Variants in SPOCK3 observed in about 807,000 individuals in gnomAD.
SPOCK3 encodes the protein testican-3.
Under a neutral mutation model 56.6 loss-of-function variants are expected in SPOCK3, and 30 were observed. The observed-to-expected ratio is 0.53, with a 90% CI of 0.40 to 0.72. The LOEUF is 0.72. SPOCK3 is among the 30% of genes least tolerant of loss of function. The pLI, the probability that SPOCK3 is intolerant of heterozygous loss-of-function variation, is 0.00. For synonymous variants in SPOCK3, 196 were observed against 183.3 expected, an observed-to-expected ratio of 1.07 and a Z score of -0.56; for missense variants, 527 against 530.0, an observed-to-expected ratio of 0.99 and a Z score of 0.06.
intron 2 of SPOCK3, among the ~76,000 whole-genome samples, chr4:167,226,974 A>C (rs995988478): frequency 6.6e-6 from 1 of 152,180 alleles, no homozygotes; most frequent in African/African-American, 2.4e-5. Flanking sequence ...GAAAGAAATA[A>C]ATCTGAACTG....
At chr4:166,828,056 A>G (rs767057049) in intron 6 of SPOCK3, among the ~76,000 whole-genome samples, 2 of 152,062 alleles carry the variant, frequency 1.3e-5, no homozygotes, top group Non-Finnish European at 1.5e-5. Context: ...ACAGCATTCA[A>G]TGGTTTAATC....
At chr4:167,156,348 G>A (rs1456099236) in intron 2 of SPOCK3, among the ~76,000 whole-genome samples, 1 of 152,144 alleles carries the variant, frequency 6.6e-6, no homozygotes, top group Admixed American at 6.6e-5. Flanking sequence ...ACGCAGGGAT[G>A]CAGTAACTTA....
At chr4:167,182,231 T>G (rs947781615) in intron 2 of SPOCK3, among the ~76,000 whole-genome samples, 1 of 152,138 alleles carries the variant, frequency 6.6e-6, no homozygotes, top group Non-Finnish European at 1.5e-5. Context: ...CTTAGTTTTC[T>G]AGCCCTCAAA....
At chr4:167,196,108 A>G (rs1197179776) in intron 2 of SPOCK3, among the ~76,000 whole-genome samples, 2 of 152,210 alleles carry the variant, frequency 1.3e-5, no homozygotes, top group Non-Finnish European at 2.9e-5. Context: ...TACTCTGTGT[A>G]TACTCAGAAT....
rs115525420 is a variant in SPOCK3, at chr4:166,860,041, A to G, written c.589+29089T>C. ...CTGGAATGTAAGAGAACGTAAGATA[A>G]TCTAATACAACTGCAAGTCACTCAA... On this transcript the variant is annotated intron_variant, in intron 6 of 10. Transcript: ENST00000357545. 3.7e-3 allele frequency among the ~76,000 whole-genome samples: 566 copies of G among 152,270 alleles called. 3 individuals carry two copies. Among genetic ancestry groups the G allele is most frequent in the African/African-American group, 0.013 (534 of 41,560 alleles).
intron 7 of SPOCK3, among the ~76,000 whole-genome samples, chr4:166,771,521 A>C (rs1579181248): frequency 6.6e-6 from 1 of 152,206 alleles, no homozygotes; most frequent in African/African-American, 2.4e-5. Flanking sequence ...AGGTAGTTTG[A>C]CATCCTCAGT....
At chr4:167,152,171 A>G (rs1004941342) in intron 2 of SPOCK3, among the ~76,000 whole-genome samples, 5 of 152,328 alleles carry the variant, frequency 3.3e-5, no homozygotes, top group Middle Eastern at 3.4e-3. Context: ...CGTGCGTCCT[A>G]AAGTGGCCAT....
intron 10 of SPOCK3, 98 bp from the exon 11 acceptor site, chr4:166,735,188 A>T: frequency 1.3e-6 from 1 of 748,800 alleles, no homozygotes; most frequent in South Asian, 2.0e-5. Flanking sequence ...ATTTTTTAGA[A>T]AGTAATTTGT....
chr4:166,896,092 G>C (rs1735352844), intron 5 of SPOCK3, among the ~76,000 whole-genome samples: 1 of 152,130 alleles, frequency 6.6e-6, no homozygotes, highest in African/African-American at 2.4e-5. Flanking sequence ...ACATTATTAA[G>C]AGTAAGTTTC....
At chr4:167,070,111 C>T (rs1282266487) in intron 2 of SPOCK3, among the ~76,000 whole-genome samples, 2 of 151,938 alleles carry the variant, frequency 1.3e-5, no homozygotes, top group African/African-American at 4.8e-5. Context: ...GTCCTAGTCT[C>T]AAATTCCACC....
intron 7 of SPOCK3, among the ~76,000 whole-genome samples, chr4:166,780,688 G>C (rs1172503866): frequency 6.6e-6 from 1 of 152,118 alleles, no homozygotes; most frequent in Non-Finnish European, 1.5e-5. Context: ...CTTCCACTAA[G>C]GGGGCAATAG....
rs570059597 is a variant in SPOCK3 at position 166,965,403 on chromosome 4, T to G, written c.350+34946A>C. Among the ~76,000 whole-genome samples the G allele has an allele frequency of 6.0e-5, 9 of 149,998 alleles. No individual in the cohort carries two copies. In the South Asian group the frequency reaches 8.3e-4, roughly 14 times the overall value. Reference sequence around the variant, plus strand: ...AATTTTCTATTATTGTTTTTTTTTTTTTGTTTCTGAAAATCTCTTTGTTCC... The same window carrying G: ...AATTTTCTATTATTGTTTTTTTTTTGTTGTTTCTGAAAATCTCTTTGTTCC... On this transcript the variant is annotated intron_variant, in intron 4 of 10. Coordinates refer to ENST00000357545, the MANE Select transcript of SPOCK3 (RefSeq NM_001040159.2).
At chr4:166,841,974 T>C (rs144289635) in intron 6 of SPOCK3, among the ~76,000 whole-genome samples, 149 of 152,364 alleles carry the variant, frequency 9.8e-4, no homozygotes, top group African/African-American at 3.3e-3. Flanking sequence ...TTCTTCCTTC[T>C]GGTGGGTCTG....
At chr4:167,034,218 C>A (rs1176801469) in intron 3 of SPOCK3, among the ~76,000 whole-genome samples, 3 of 151,606 alleles carry the variant, frequency 2.0e-5, no homozygotes, top group Non-Finnish European at 4.4e-5. Context: ...TATACATACA[C>A]AAAATTGTAT....
intron 6 of SPOCK3, among the ~76,000 whole-genome samples, chr4:166,884,131 A>G (rs1218350648): frequency 6.6e-6 from 1 of 151,440 alleles, no homozygotes; most frequent in African/African-American, 2.5e-5. Flanking sequence ...GTCAAAGAAA[A>G]TGACCTATAC....
chr4:167,074,069 T>C (rs1265881749), intron 2 of SPOCK3, among the ~76,000 whole-genome samples: 1 of 145,630 alleles, frequency 6.9e-6, no homozygotes, highest in African/African-American at 2.5e-5. Flanking sequence ...AAAAAAAAAA[T>C]AGCTAGTTTA....
intron 7 of SPOCK3, among the ~76,000 whole-genome samples, chr4:166,762,628 C>A (rs1041809958): frequency 6.6e-6 from 1 of 152,090 alleles, no homozygotes; most frequent in African/African-American, 2.4e-5. Context: ...GTTGAAGGAA[C>A]TGCCCAGAGA....
chr4:167,057,540 C>T (rs1199718790), intron 3 of SPOCK3, among the ~76,000 whole-genome samples: 4 of 151,762 alleles, frequency 2.6e-5, no homozygotes, highest in Admixed American at 1.3e-4. Flanking sequence ...TTCAGGAAAC[C>T]CATCTCATGT....
intron 2 of SPOCK3, among the ~76,000 whole-genome samples, chr4:167,205,798 A>C (rs1734267334): frequency 6.8e-6 from 1 of 146,372 alleles, no homozygotes; most frequent in Non-Finnish European, 1.5e-5. Context: ...TTTAGTAGAG[A>C]CGGGTTTTCA....
Sources: allele counts gnomAD v4.1 joint callset (sites outside exome capture counted in the v4.1 genomes callset), GRCh38; gene constraint gnomAD v4.1.1; transcripts MANE v1.5; gene names NCBI Gene and HGNC (gene_info 2026-07-23, HGNC 2026-07-21).